PTPRZ1: variants seen among roughly 807,000 people sequenced by gnomAD.
PTPRZ1 encodes protein tyrosine phosphatase receptor type Z1.
A neutral mutation model predicts 214.1 loss-of-function variants in PTPRZ1; 82 were observed. The observed-to-expected ratio is 0.38, with a 90% CI of 0.32 to 0.46. PTPRZ1 has a LOEUF of 0.46. Ranked by LOEUF, PTPRZ1 falls within the 20% of genes least tolerant of loss-of-function variation. The probability of loss-of-function intolerance (pLI) is 1.00; values close to 1 mark genes in which losing one functional copy is unlikely to be tolerated. For missense variants in PTPRZ1, 2,603 were observed against 2,748.7 expected (o/e 0.95, Z 1.19); for synonymous variants, 945 against 987.9 (o/e 0.96, Z 0.81).
intron 2 of PTPRZ1, among the ~76,000 whole-genome samples, chr7:121,952,395 G>A (rs1271637473): frequency 6.6e-6 from 1 of 152,042 alleles, no homozygotes; most frequent in Admixed American, 6.5e-5. Context: ...ACCATCCTGG[G>A]CAACATAGAG....
intron 2 of PTPRZ1, among the ~76,000 whole-genome samples, chr7:121,932,234 A>AC (rs1795946927): frequency 6.6e-6 from 1 of 152,358 alleles, no homozygotes; most frequent in Middle Eastern, 3.4e-3. Context: ...CAAGCAAATT[A>AC]CATTAAAACC....
rs144850294 is a variant in PTPRZ1, at chr7:121,966,478, C to T, written c.125-1473C>T. The stretch of plus-strand genomic sequence containing the variant: ...TTTTCTTGTCCCTATGCCAGAGTTC[C>T]TTACAGTGAAATAAACATCATTACT... On this transcript the variant is annotated intron_variant, in intron 2 of 29. Transcript: ENST00000393386. 2.6e-5 allele frequency among the ~76,000 whole-genome samples: 4 copies of T among 152,248 alleles called. No homozygotes were observed. In the East Asian group the frequency reaches 7.7e-4, roughly 29 times the overall value.
At chr7:121,897,228 C>A (rs1031066636) in intron 1 of PTPRZ1, among the ~76,000 whole-genome samples, 1 of 152,114 alleles carries the variant, frequency 6.6e-6, no homozygotes, top group African/African-American at 2.4e-5. Flanking sequence ...GACTTGAACC[C>A]AGGTCTACTG....
chr7:122,035,952 C>T (rs1369190433), intron 17 of PTPRZ1, among the ~76,000 whole-genome samples: 1 of 152,100 alleles, frequency 6.6e-6, no homozygotes, highest in Non-Finnish European at 1.5e-5. Flanking sequence ...TATCATTTAC[C>T]AGATTTTGCA....
chr7:122,030,233 A>G (rs1799332621), intron 14 of PTPRZ1, among the ~76,000 whole-genome samples: 2 of 151,972 alleles, frequency 1.3e-5, no homozygotes, highest in Non-Finnish European at 2.9e-5. Context: ...CTGAATATGC[A>G]TGTTTTCGTG....
chr7:122,013,848 T>G lies in PTPRZ1; in HGVS notation c.4802T>G (p.Val1601Gly). 1 of 1,613,468 alleles carries G rather than the reference T, an allele frequency of 6.2e-7. No individual in the cohort carries two copies. ...TTCCCACAGTCCCCAACATCATCTG[T>G]TACTAGCGAGAACTCAGAAGTGTTC... ...PGFPQSPTSS[V>G]TSENSEVFHV... Residue 1601 changes from valine to glycine, a missense_variant, in exon 12 of 30, where the codon GTT becomes GGT. By Grantham distance (109) the Val-to-Gly change is moderately radical. This residue lies in a region of PTPRZ1 where 1,913 missense variants were observed against 1,914.3 expected (regional missense o/e 1.00). Coordinates refer to ENST00000393386, the MANE Select transcript of PTPRZ1 (RefSeq NM_002851.3).
intron 2 of PTPRZ1, among the ~76,000 whole-genome samples, chr7:121,939,119 G>A (rs1247128137): frequency 6.6e-6 from 1 of 152,160 alleles, no homozygotes; most frequent in South Asian, 2.1e-4. Flanking sequence ...TGCCTGAGAG[G>A]AATTGTGACT....
chr7:121,926,195 C>T (rs1795754847), intron 1 of PTPRZ1, among the ~76,000 whole-genome samples: 1 of 146,302 alleles, frequency 6.8e-6, no homozygotes, highest in African/African-American at 2.5e-5. Context: ...ATCGCAGTTA[C>T]TCAGGAGGCT....
chr7:121,944,752 C>T (rs190801571), intron 2 of PTPRZ1, among the ~76,000 whole-genome samples: 2 of 152,208 alleles, frequency 1.3e-5, no homozygotes, highest in African/African-American at 4.8e-5. Flanking sequence ...AAGCAATTCT[C>T]CTGCCTCAGC....
chr7:121,957,123 C>T (rs755503495), intron 2 of PTPRZ1, among the ~76,000 whole-genome samples: 4 of 152,208 alleles, frequency 2.6e-5, no homozygotes, highest in Non-Finnish European at 4.4e-5. Flanking sequence ...CAGGGTTATT[C>T]CCCTCCTTGC....
intron 1 of PTPRZ1, among the ~76,000 whole-genome samples, chr7:121,927,236 C>G (rs971285927): frequency 6.6e-6 from 1 of 152,188 alleles, no homozygotes; most frequent in Non-Finnish European, 1.5e-5. Flanking sequence ...TCTACAGAAA[C>G]AGTTCTGCCA....
At chr7:121,907,411 T>C (rs1170843742) in intron 1 of PTPRZ1, among the ~76,000 whole-genome samples, 1 of 152,016 alleles carries the variant, frequency 6.6e-6, no homozygotes, top group Non-Finnish European at 1.5e-5. Context: ...ACAAATATTT[T>C]ACAAGTGAAA....
chr7:121,916,772 C>T (rs1048983879), intron 1 of PTPRZ1, among the ~76,000 whole-genome samples: 1 of 152,136 alleles, frequency 6.6e-6, no homozygotes, highest in African/African-American at 2.4e-5. Flanking sequence ...CCAGTGCTGT[C>T]ATTGGTCAAG....
chr7:121,925,419 A>C (rs978938947), intron 1 of PTPRZ1, among the ~76,000 whole-genome samples: 2 of 152,268 alleles, frequency 1.3e-5, no homozygotes, highest in African/African-American at 4.8e-5. Flanking sequence ...ATGAATATTC[A>C]TAACAGCATT....
intron 2 of PTPRZ1, among the ~76,000 whole-genome samples, chr7:121,947,950 G>A (rs1796434842): frequency 6.6e-6 from 1 of 152,044 alleles, no homozygotes; most frequent in Non-Finnish European, 1.5e-5. Context: ...AATGTTTGGG[G>A]AGTTTTAGTG....
rs1023717437 is a variant in PTPRZ1 at position 121,996,265 on chromosome 7, G to A, written c.929-117G>A. On this transcript the variant is annotated intron_variant, in intron 8 of 29. Coordinates refer to ENST00000393386, the MANE Select transcript of PTPRZ1 (RefSeq NM_002851.3). ...AGCAAAAGCTCCACAGTGGGAAAGT[G>A]TAACTTTTTACTTTACATTGAAATA... 4.1e-6 allele frequency: 3 copies of A among 733,156 alleles called. No homozygotes were observed. The African/African-American group carries it at 5.4e-5, about 13-fold the overall frequency. The allele number at this position is 733,156 out of a possible 1,614,324, so 45.4% of individuals were successfully genotyped here.
At chr7:121,940,875 C>A (rs1294963784) in intron 2 of PTPRZ1, among the ~76,000 whole-genome samples, 3 of 151,940 alleles carry the variant, frequency 2.0e-5, no homozygotes, top group African/African-American at 7.3e-5. Flanking sequence ...TATCCTGTTT[C>A]ATTCCTCATG....
chr7:122,054,133 T>C, intron 26 of PTPRZ1, 95 bp downstream of exon 26: 1 of 1,430,292 alleles, frequency 7.0e-7, no homozygotes. Context: ...CAAAGTAATT[T>C]TGTTTTCAAC....
intron 8 of PTPRZ1, among the ~76,000 whole-genome samples, chr7:121,994,119 T>C (rs774443601): frequency 2.4e-4 from 37 of 152,234 alleles, no homozygotes; most frequent in Middle Eastern, 3.4e-3. Context: ...GATTCATAAA[T>C]TTTGACACGT....
Sources: gnomAD v4.1 joint callset for allele counts (sites outside exome capture counted in the v4.1 genomes callset) on GRCh38, gnomAD v4.1.1 for gene constraint, gnomAD v4.1.1 regional missense constraint, MANE v1.5 for transcripts, NCBI Gene and HGNC (gene_info 2026-07-23, HGNC 2026-07-21) for gene names.